The following PHACTR2 variants were observed in gnomAD, a reference collection of about 807,000 sequenced individuals.
PHACTR2 encodes the protein chromosome 6 open reading frame 56.
A neutral mutation model predicts 76.0 loss-of-function variants in PHACTR2; 30 were observed. That is an observed-to-expected ratio of 0.39 (90% CI 0.30 to 0.54). The LOEUF (loss-of-function observed/expected upper bound fraction) is 0.54, where lower values mean the gene tolerates loss of function less well. Ranked by LOEUF, PHACTR2 falls within the 20% of genes least tolerant of loss-of-function variation. The pLI, the probability that PHACTR2 is intolerant of heterozygous loss-of-function variation, is 0.61. For synonymous variants in PHACTR2, 292 were observed against 292.5 expected (o/e 1.00, Z 0.02); for missense variants, 696 against 781.1 (o/e 0.89, Z 1.30).
At position 143,683,901 on chromosome 6, in the gene PHACTR2, C is replaced by G. The variant is rs1724129017; in HGVS notation, c.46+5692C>G. Among the ~76,000 whole-genome samples the G allele has an allele frequency of 1.3e-5, 2 of 152,104 alleles. No homozygotes were observed. The highest frequency in any genetic ancestry group is 1.3e-4 in the Admixed American group (2 of 15,262). On this transcript the variant is annotated intron_variant, in intron 1 of 12. Transcript: ENST00000440869. This position sits in a 1 kb window ranked among gnomAD's most constrained non-coding sequence, Gnocchi z 4.1. Reference sequence around the variant, plus strand: ...ACACAGTTTTCATTCATAGATATATCTTTATCAGCAGTCAAACAAGACATA... The same window carrying G: ...ACACAGTTTTCATTCATAGATATATGTTTATCAGCAGTCAAACAAGACATA...
chr6:143,808,222 C>T (rs1264711243), intron 12 of PHACTR2, among the ~76,000 whole-genome samples: 3 of 151,726 alleles, frequency 2.0e-5, no homozygotes, highest in African/African-American at 7.3e-5. Flanking sequence ...CTCCACCTCC[C>T]GGGTTCAAGC....
chr6:143,749,028 G>A lies in PHACTR2; in HGVS notation c.258G>A (p.Leu86=). The change falls in exon 3 of 13, where the codon CTG becomes CTA. Residue 86 remains leucine (L), a synonymous_variant. Coordinates refer to ENST00000440869, the MANE Select transcript of PHACTR2 (RefSeq NM_001100164.2). ...KISTRQSREE[L]IRRGVLKELP... ...CCACACGACAAAGTAGAGAGGAGCTGATAAGAAGGGGAGTGCTTAAGGAAT... is the reference window on the plus strand; with the variant it reads ...CCACACGACAAAGTAGAGAGGAGCTAATAAGAAGGGGAGTGCTTAAGGAAT... 1.3e-6 allele frequency: 2 copies of A among 1,591,436 alleles called. No individual in the cohort carries two copies. Among genetic ancestry groups the A allele is most frequent in the Non-Finnish European group, 1.7e-6 (2 of 1,159,376 alleles).
chr6:143,754,914 C>T lies in PHACTR2; in HGVS notation c.454+1002C>T, dbSNP rs1220436337. Among the ~76,000 whole-genome samples, 2 of 152,168 alleles carry T rather than the reference C, an allele frequency of 1.3e-5. No homozygotes were observed. Among genetic ancestry groups the T allele is most frequent in the South Asian group, 2.1e-4 (1 of 4,834 alleles). On this transcript the variant is annotated intron_variant, in intron 4 of 12. Coordinates refer to ENST00000440869, the MANE Select transcript of PHACTR2 (RefSeq NM_001100164.2). The surrounding 1 kb of genome is among the most constrained non-coding windows in gnomAD (Gnocchi z 6.2). Reference sequence around the variant, plus strand: ...GTGAATTCTCTTCCTCTGTTCTTGACCCAGATCCTTGAGAGCGAAAGGGAA... The same window carrying T: ...GTGAATTCTCTTCCTCTGTTCTTGATCCAGATCCTTGAGAGCGAAAGGGAA...
chr6:143,758,438 G>A (rs959187013), intron 4 of PHACTR2, among the ~76,000 whole-genome samples: 1 of 152,150 alleles, frequency 6.6e-6, no homozygotes, highest in Non-Finnish European at 1.5e-5. Context: ...TCAACCATAT[G>A]TCAGAAGACT....
At chr6:143,711,935 C>T (rs1778183932) in intron 1 of PHACTR2, 81 bp from the exon 2 acceptor site, 2 of 1,231,568 alleles carry the variant, frequency 1.6e-6, no homozygotes, top group Non-Finnish European at 1.2e-6. Context: ...TTACCGTTAA[C>T]AGCCCAGGGA....
chr6:143,567,238 T>A (rs1775376316), intron 1 of PHACTR2, among the ~76,000 whole-genome samples: 1 of 152,132 alleles, frequency 6.6e-6, no homozygotes, highest in African/African-American at 2.4e-5. Flanking sequence ...TGTTTGGCTT[T>A]TGAAAACCCC....
At chr6:143,692,794 A>G (rs578069153) in intron 1 of PHACTR2, among the ~76,000 whole-genome samples, 7 of 152,354 alleles carry the variant, frequency 4.6e-5, no homozygotes, top group African/African-American at 1.7e-4. Flanking sequence ...ATGTTAATAA[A>G]TAACTTTGCA....
Position 143,827,196 on chromosome 6 carries a change from A to ATATATATATG in PHACTR2, c.*3510_*3511insATATATGTAT, listed in dbSNP as rs1337456568. The ATATATATATG allele has an allele frequency of 8.3e-5, 10 of 120,162 alleles. No individual in the cohort carries two copies. Among genetic ancestry groups the ATATATATATG allele is most frequent in the African/African-American group, 2.7e-4 (9 of 33,096 alleles). 7.4% of individuals were successfully genotyped at this position (120,162 alleles called of 1,614,324 possible). ...TATATATATATATATATATATATAT[A>ATATATATATG]TATGTATATTATATATACAGTAGCT... is the stretch of plus-strand genomic sequence containing the variant. On this transcript the variant is annotated 3_prime_UTR_variant, in exon 13 of 13. Transcript: ENST00000440869.
chr6:143,677,877 T>TCCCCCCCCCCCCC, upstream of PHACTR2: 1 of 128,170 alleles, frequency 7.8e-6, no homozygotes, highest in South Asian at 1.9e-4. Flanking sequence ...TCCCCCCGCT[T>TCCCCCCCCCCCCC]CCCCCTCCTC....
At chr6:143,749,515 A>G (rs984992051) in intron 3 of PHACTR2, among the ~76,000 whole-genome samples, 1 of 152,168 alleles carries the variant, frequency 6.6e-6, no homozygotes, top group African/African-American at 2.4e-5. Context: ...TGTCCTTTGC[A>G]CTCTATAATA....
rs1775270373 is a variant in PHACTR2, at chr6:143,776,260, T to C, written c.1590-1068T>C. On this transcript the variant is annotated intron_variant, in intron 8 of 12. Coordinates refer to ENST00000440869, the MANE Select transcript of PHACTR2 (RefSeq NM_001100164.2). This position sits in a 1 kb window ranked among gnomAD's most constrained non-coding sequence, Gnocchi z 5.3. ...GTGCTAAAAGTCTGGTCACAATTAT[T>C]TGTGGTGAAGAAAAGGTATAAATTG... Among the ~76,000 whole-genome samples the C allele has an allele frequency of 6.6e-6, 1 of 152,178 alleles. No homozygotes were observed. The highest frequency in any genetic ancestry group is 2.1e-4 in the South Asian group (1 of 4,834).
intron 12 of PHACTR2, among the ~76,000 whole-genome samples, chr6:143,817,766 C>T (rs1324643011): frequency 1.3e-5 from 2 of 152,154 alleles, no homozygotes; most frequent in Non-Finnish European, 2.9e-5. Flanking sequence ...AAGATAAACA[C>T]CACACATTCT....
At chr6:143,551,610 A>G (rs1775096592) in intron 1 of PHACTR2, among the ~76,000 whole-genome samples, 2 of 152,180 alleles carry the variant, frequency 1.3e-5, no homozygotes, top group South Asian at 4.1e-4. Context: ...GACCTTGGGA[A>G]CTATTGCTTC....
Position 143,608,373 on chromosome 6 carries a change from C to T in PHACTR2, c.13+51C>T, listed in dbSNP as rs779646921. 8.2e-6 allele frequency: 13 copies of T among 1,594,690 alleles called. No homozygotes were observed. In the South Asian group the frequency reaches 1.3e-4, roughly 16 times the overall value. On this transcript the variant is annotated intron_variant, in intron 1 of 11. Transcript: ENST00000305766. This position sits in a 1 kb window ranked among gnomAD's most constrained non-coding sequence, Gnocchi z 4.6. Reference sequence around the variant, plus strand: ...CATAGCTGCTGGCTTCCTTTGCAGCCCGCATCCTTTACTGCGGAAGGTTTG... The same window carrying T: ...CATAGCTGCTGGCTTCCTTTGCAGCTCGCATCCTTTACTGCGGAAGGTTTG...
At position 143,688,475 on chromosome 6, in the gene PHACTR2, C is replaced by G. The variant is rs1047274545; in HGVS notation, c.46+10266C>G. Among the ~76,000 whole-genome samples, 1 of 152,152 alleles carries G rather than the reference C, an allele frequency of 6.6e-6. No individual in the cohort carries two copies. Among genetic ancestry groups the G allele is most frequent in the African/African-American group, 2.4e-5 (1 of 41,436 alleles). On this transcript the variant is annotated intron_variant, in intron 1 of 12. Transcript: ENST00000440869. This position sits in a 1 kb window ranked among gnomAD's most constrained non-coding sequence, Gnocchi z 5.2. Reference sequence around the variant, plus strand: ...TGCAACTCCCTATTTGACAGGTCTGCTTGAAAACTTGTGGGCATCCCAGAG... The same window carrying G: ...TGCAACTCCCTATTTGACAGGTCTGGTTGAAAACTTGTGGGCATCCCAGAG...
intron 12 of PHACTR2, among the ~76,000 whole-genome samples, chr6:143,813,869 C>A (rs148351037): frequency 1.3e-5 from 2 of 152,168 alleles, no homozygotes; most frequent in Non-Finnish European, 2.9e-5. Flanking sequence ...GTGTTAGGGG[C>A]ACTGATCCCC....
chr6:143,679,926 A>G lies in PHACTR2; in HGVS notation c.46+1717A>G, dbSNP rs917646386. Reference sequence around the variant, plus strand: ...CGGAACGGTGTTATACTTAAATTGCAGGTCCTCAGTTTTGCGGATTAAAAG... The same window carrying G: ...CGGAACGGTGTTATACTTAAATTGCGGGTCCTCAGTTTTGCGGATTAAAAG... On this transcript the variant is annotated intron_variant, in intron 1 of 12. Transcript: ENST00000440869. The surrounding 1 kb of genome is among the most constrained non-coding windows in gnomAD (Gnocchi z 4.6). Among the ~76,000 whole-genome samples the G allele has an allele frequency of 6.6e-6, 1 of 152,222 alleles. No individual in the cohort carries two copies. The highest frequency in any genetic ancestry group is 1.5e-5 in the Non-Finnish European group (1 of 68,030).
chr6:143,613,234 C>G (rs1411636758), intron 1 of PHACTR2, among the ~76,000 whole-genome samples: 1 of 152,254 alleles, frequency 6.6e-6, no homozygotes, highest in African/African-American at 2.4e-5. Context: ...CTCGGCCTCC[C>G]GAAGTGCTGG....
Position 143,611,221 on chromosome 6 carries a change from A to C in PHACTR2, c.13+2899A>C, listed in dbSNP as rs984854702. Among the ~76,000 whole-genome samples, 2 of 152,070 alleles carry C rather than the reference A, an allele frequency of 1.3e-5. No individual in the cohort carries two copies. The highest frequency in any genetic ancestry group is 2.9e-5 in the Non-Finnish European group (2 of 68,018). On this transcript the variant is annotated intron_variant, in intron 1 of 11. Transcript: ENST00000305766. This position sits in a 1 kb window ranked among gnomAD's most constrained non-coding sequence, Gnocchi z 4.4. Reference sequence around the variant, plus strand: ...TCCCTACTTGATATCAAGATATTTCAGTTACCATGTGTGGGTTGAAAGAGC... The same window carrying C: ...TCCCTACTTGATATCAAGATATTTCCGTTACCATGTGTGGGTTGAAAGAGC...
Sources: allele counts gnomAD v4.1 joint callset (sites outside exome capture counted in the v4.1 genomes callset), GRCh38; gene constraint gnomAD v4.1.1; non-coding constraint Gnocchi (gnomAD v3.1); transcripts MANE v1.5; gene names NCBI Gene and HGNC (gene_info 2026-07-23, HGNC 2026-07-21).